SYNPR: variants seen among roughly 807,000 people sequenced by gnomAD.
SYNPR encodes the protein synaptoporin.
In SYNPR, 23 loss-of-function variants were observed where a neutral mutation model predicts 32.9. The observed-to-expected ratio is 0.70, with a 90% CI of 0.50 to 0.99. The LOEUF is 0.99. Ranked by LOEUF, SYNPR falls within the 50% of genes least tolerant of loss-of-function variation. SYNPR has a pLI of 0.00. For synonymous variants in SYNPR, 146 were observed against 135.9 expected (o/e 1.07, Z -0.52); for missense variants, 318 against 349.3 (o/e 0.91, Z 0.71).
intron 3 of SYNPR, among the ~76,000 whole-genome samples, chr3:63,530,576 G>A (rs970387929): frequency 6.6e-6 from 1 of 152,136 alleles, no homozygotes; most frequent in Non-Finnish European, 1.5e-5. Context: ...TCCATTAATA[G>A]TAGCTATATT....
upstream of SYNPR, among the ~76,000 whole-genome samples, chr3:63,277,090 T>G (rs995396716): frequency 6.6e-6 from 1 of 152,146 alleles, no homozygotes; most frequent in Admixed American, 6.5e-5. Flanking sequence ...CTCTCCTTCT[T>G]CTTCTTCCTC....
chr3:63,355,824 G>C (rs2087569821), intron 2 of SYNPR, among the ~76,000 whole-genome samples: 1 of 152,104 alleles, frequency 6.6e-6, no homozygotes, highest in Non-Finnish European at 1.5e-5. Context: ...CACCATGTCT[G>C]AGCTGGAAAA....
At chr3:63,223,447 C>G (rs1368807504), upstream of SYNPR, among the ~76,000 whole-genome samples, 2 of 151,892 alleles carry the variant, frequency 1.3e-5, no homozygotes, top group East Asian at 3.9e-4. Context: ...AGTTTTCCAC[C>G]TGATGAGACC....
intron 3 of SYNPR, among the ~76,000 whole-genome samples, chr3:63,533,166 G>C (rs1505600): frequency 0.25 from 37,616 of 152,020 alleles, 4,753 homozygotes; most frequent in East Asian, 0.33. Context: ...GTGTTTCTAG[G>C]ATCTGGGACA....
intron 2 of SYNPR, among the ~76,000 whole-genome samples, chr3:63,291,778 T>TACCAGCAACAGTACGTAAATTTGA (rs1337090430): frequency 6.6e-6 from 1 of 152,236 alleles, no homozygotes; most frequent in East Asian, 1.9e-4. Context: ...AGGCTGTGTT[T>TACCAGCAACAGTACGTAAATTTGA]ACCAGCAACA....
At chr3:63,264,280 A>C (rs57439940) in intron 2 of SYNPR, among the ~76,000 whole-genome samples, 2 of 152,310 alleles carry the variant, frequency 1.3e-5, no homozygotes, top group East Asian at 3.9e-4. Context: ...AAAAGTGAAG[A>C]AGCTCAGTAA....
chr3:63,408,142 A>AAAAGAAAGAAAG (rs199743513), intron 2 of SYNPR, among the ~76,000 whole-genome samples: 523 of 28,396 alleles, frequency 0.018, 33 homozygotes, highest in East Asian at 0.057. Flanking sequence ...TAGAAGAAAG[A>AAAAGAAAGAAAG]AAAGAAAGAA....
chr3:63,403,207 G>A (rs2088315207), intron 2 of SYNPR, among the ~76,000 whole-genome samples: 2 of 152,092 alleles, frequency 1.3e-5, no homozygotes. Flanking sequence ...CTGATTGAAA[G>A]AGGTAGAAGT....
chr3:63,338,950 T>C (rs1169325143), intron 2 of SYNPR, among the ~76,000 whole-genome samples: 1 of 152,230 alleles, frequency 6.6e-6, no homozygotes, highest in Admixed American at 6.5e-5. Flanking sequence ...GACTGTCCTC[T>C]TCTTTTCCCT....
chr3:63,588,584 A>G (rs1272127925), intron 4 of SYNPR, among the ~76,000 whole-genome samples: 1 of 152,164 alleles, frequency 6.6e-6, no homozygotes, highest in Non-Finnish European at 1.5e-5. Context: ...TTCAATAAGC[A>G]TCCCCAAATT....
intron 2 of SYNPR, among the ~76,000 whole-genome samples, chr3:63,311,944 T>G (rs1332730586): frequency 6.6e-6 from 1 of 151,930 alleles, no homozygotes; most frequent in Non-Finnish European, 1.5e-5. Flanking sequence ...CATCTAAAAC[T>G]TTAAAAAAGG....
chr3:63,577,549 C>A (rs1703006713), intron 4 of SYNPR, among the ~76,000 whole-genome samples: 1 of 151,914 alleles, frequency 6.6e-6, no homozygotes, highest in African/African-American at 2.4e-5. Context: ...CAGTGGGGAG[C>A]TTTTTCTGTG....
chr3:63,264,849 G>A lies in SYNPR; in HGVS notation n.155-2468G>A, dbSNP rs116590631. 6.9e-3 allele frequency among the ~76,000 whole-genome samples: 1,049 copies of A among 152,086 alleles called. 14 individuals carry two copies. Among genetic ancestry groups the A allele is most frequent in the African/African-American group, 0.023 (951 of 41,468 alleles). On this transcript the variant is annotated intron_variant and non_coding_transcript_variant, in intron 2 of 4. Coordinates refer to the SYNPR transcript ENST00000478456. ...AGGGCAAGCCGGGGAAATTCCAGACGCTTATAAAACCGTCAGATCTCCCGA... is the reference window on the plus strand; with the variant it reads ...AGGGCAAGCCGGGGAAATTCCAGACACTTATAAAACCGTCAGATCTCCCGA...
rs1030749914 is a variant in SYNPR at position 63,611,479 on chromosome 3, T to A, written c.600+2163T>A. 5.3e-5 allele frequency among the ~76,000 whole-genome samples: 8 copies of A among 152,324 alleles called. No individual in the cohort carries two copies. The East Asian group carries it at 1.5e-3, about 29-fold the overall frequency. On this transcript the variant is annotated intron_variant, in intron 5 of 5. Coordinates refer to ENST00000478300, the MANE Select transcript of SYNPR (RefSeq NM_001130003.2). ...CAAATTGTTTGGCTTCAAATCATAC[T>A]GAGCTAGCTTATGCAAAAACTGAAA...
chr3:63,366,713 T>C (rs1238574217), intron 2 of SYNPR, among the ~76,000 whole-genome samples: 2 of 152,166 alleles, frequency 1.3e-5, no homozygotes, highest in African/African-American at 4.8e-5. Flanking sequence ...TGAGTAAGAG[T>C]CATAGTGCCA....
chr3:63,230,378 A>AT (rs892664581), intron 1 of SYNPR, among the ~76,000 whole-genome samples: 2 of 152,004 alleles, frequency 1.3e-5, no homozygotes, highest in African/African-American at 2.4e-5. Flanking sequence ...TCTGGCTTGA[A>AT]TTTTTTCCTA....
chr3:63,443,406 C>A, intron 2 of SYNPR: 1 of 1,596,156 alleles, frequency 6.3e-7, no homozygotes, highest in Admixed American at 1.7e-5. Context: ...CCTCTATTTT[C>A]TTTCAGGAGA....
intron 3 of SYNPR, among the ~76,000 whole-genome samples, chr3:63,272,350 A>G (rs1027436494): frequency 7.9e-5 from 12 of 152,108 alleles, no homozygotes; most frequent in African/African-American, 2.9e-4. Flanking sequence ...GATATGATGA[A>G]CTCAGCTGAA....
intron 2 of SYNPR, among the ~76,000 whole-genome samples, chr3:63,373,555 A>C (rs971382820): frequency 1.3e-5 from 2 of 152,318 alleles, no homozygotes; most frequent in Non-Finnish European, 2.9e-5. Context: ...AAAAATGAAC[A>C]GAACCTCTGA....
Sources: allele counts gnomAD v4.1 joint callset (sites outside exome capture counted in the v4.1 genomes callset), GRCh38; gene constraint gnomAD v4.1.1; transcripts MANE v1.5; gene names NCBI Gene and HGNC (gene_info 2026-07-23, HGNC 2026-07-21).